RELN: variants seen among roughly 807,000 people sequenced by gnomAD.
The protein encoded by RELN is reelin.
In RELN, 108 loss-of-function variants were observed where a neutral mutation model predicts 427.6. The ratio of observed to expected loss-of-function variants is 0.25; its 90% CI spans 0.22 to 0.30. The LOEUF (loss-of-function observed/expected upper bound fraction) is 0.30, where lower values mean the gene tolerates loss of function less well. RELN is among the 10% of genes least tolerant of loss of function. The probability of loss-of-function intolerance (pLI) is 1.00; values close to 1 mark genes in which losing one functional copy is unlikely to be tolerated. For missense variants in RELN, 3,715 were observed against 4,302.8 expected, an observed-to-expected ratio of 0.86 and a Z score of 3.82; for synonymous variants, 1,524 against 1,513.4, an observed-to-expected ratio of 1.01 and a Z score of -0.16.
rs1206142284 is a variant in RELN at position 103,510,878 on chromosome 7, G to T, written c.8247C>A (p.Pro2749=). 6.2e-7 allele frequency: 1 copy of T among 1,613,594 alleles called. No individual in the cohort carries two copies. Among genetic ancestry groups the T allele is most frequent in the South Asian group, 1.1e-5 (1 of 91,054 alleles). Residue 2749 remains proline (P), a synonymous_variant, in exon 51 of 65, where the codon CCC becomes CCA. Transcript: ENST00000428762. Reference sequence around the variant, plus strand: ...TGAATTGCATAATCCAGCCTTCAGTGGGAGTCAGGTCATGGGTCACTGCAT... The same window carrying T: ...TGAATTGCATAATCCAGCCTTCAGTTGGAGTCAGGTCATGGGTCACTGCAT... ...EVYAVTHDLT[P]TEGWIMQFKI... is the part of the protein sequence containing the mutation.
intron 48 of RELN, among the ~76,000 whole-genome samples, chr7:103,520,915 T>C (rs1260910739): frequency 6.7e-6 from 1 of 149,590 alleles, no homozygotes; most frequent in East Asian, 2.0e-4. Flanking sequence ...AACTCTAAGG[T>C]AGGGCATGCT....
At chr7:103,572,523 G>T (rs2117201640) in intron 30 of RELN, among the ~76,000 whole-genome samples, 1 of 152,074 alleles carries the variant, frequency 6.6e-6, no homozygotes, top group Admixed American at 6.5e-5. Flanking sequence ...TCACTTCATT[G>T]TGACAGTCTG....
Position 103,824,627 on chromosome 7 carries a change from A to AGTGTGT in RELN, c.473+8904_473+8909dup, listed in dbSNP as rs368098458. On this transcript the variant is annotated intron_variant, in intron 3 of 64. Coordinates refer to ENST00000428762, the MANE Select transcript of RELN (RefSeq NM_005045.4). The surrounding 1 kb of genome is among the most constrained non-coding windows in gnomAD (Gnocchi z 4.4). ...GTGTTTTCACTTTCTTTCAAAACAG[A>AGTGTGT]GTGTGTGTGTGTGTGTGTGTGTGTG... Among the ~76,000 whole-genome samples, 10,528 of 130,752 alleles carry AGTGTGT rather than the reference A, an allele frequency of 0.081. 599 individuals are homozygous for AGTGTGT. The highest frequency in any genetic ancestry group is 0.16 in the African/African-American group (5,473 of 33,966). The allele number at this position is 130,752 out of a possible 152,430, so 85.8% of individuals were successfully genotyped here. A position where few individuals can be genotyped will look rare whatever the true frequency, so the allele number is the denominator to read the frequency against.
intron 4 of RELN, among the ~76,000 whole-genome samples, chr7:103,757,784 G>A (rs1584469430): frequency 6.6e-6 from 1 of 152,192 alleles, no homozygotes; most frequent in Non-Finnish European, 1.5e-5. Flanking sequence ...CTGAATTGAA[G>A]AGAGAGGAAG....
At chr7:103,713,672 T>C (rs1054190937) in intron 8 of RELN, among the ~76,000 whole-genome samples, 4 of 152,054 alleles carry the variant, frequency 2.6e-5, no homozygotes, top group Non-Finnish European at 5.9e-5. Flanking sequence ...TTTTTTTTTT[T>C]TTTGAAGGTA....
At chr7:103,727,052 C>A (rs2115928785) in intron 7 of RELN, among the ~76,000 whole-genome samples, 1 of 152,176 alleles carries the variant, frequency 6.6e-6, no homozygotes, top group East Asian at 1.9e-4. Flanking sequence ...GGTATTCAAG[C>A]ATCATAAAAT....
At chr7:103,700,830 A>T in intron 9 of RELN, 80 bp downstream of exon 9, 1 of 861,356 alleles carries the variant, frequency 1.2e-6, no homozygotes, top group Admixed American at 1.7e-5. Context: ...AGAAAAAGTT[A>T]GTGGTGGATT....
At chr7:103,984,922 T>C (rs1049953328) in intron 1 of RELN, among the ~76,000 whole-genome samples, 2 of 152,202 alleles carry the variant, frequency 1.3e-5, no homozygotes, top group African/African-American at 2.4e-5. Flanking sequence ...AAATTACGTC[T>C]GACATAAATA....
intron 6 of RELN, among the ~76,000 whole-genome samples, chr7:103,741,890 C>T (rs1378650146): frequency 6.6e-6 from 1 of 152,134 alleles, no homozygotes; most frequent in Non-Finnish European, 1.5e-5. Context: ...GTGATTTCTG[C>T]ATTTCCAAGT....
intron 1 of RELN, among the ~76,000 whole-genome samples, chr7:103,965,043 G>A (rs547169650): frequency 6.6e-6 from 1 of 152,290 alleles, no homozygotes; most frequent in African/African-American, 2.4e-5. Flanking sequence ...AAACTGCAAA[G>A]CACTATAAAA....
At chr7:103,879,836 T>C (rs1794566071) in intron 2 of RELN, among the ~76,000 whole-genome samples, 1 of 152,162 alleles carries the variant, frequency 6.6e-6, no homozygotes, top group African/African-American at 2.4e-5. Flanking sequence ...AAAGCACTGG[T>C]AGGAAAAATA....
At chr7:103,656,809 A>G (rs1371487204) in intron 12 of RELN, among the ~76,000 whole-genome samples, 1 of 152,068 alleles carries the variant, frequency 6.6e-6, no homozygotes, top group Non-Finnish European at 1.5e-5. Context: ...TTCATTAGAT[A>G]CTTACTATGA....
intron 1 of RELN, among the ~76,000 whole-genome samples, chr7:103,931,411 C>T (rs980224398): frequency 3.9e-5 from 6 of 152,194 alleles, no homozygotes; most frequent in Admixed American, 3.9e-4. Flanking sequence ...CCTCTCAGCT[C>T]TGTGAAGCTT....
Position 103,661,541 on chromosome 7 carries a change from G to A in RELN, c.1290-14C>T, listed in dbSNP as rs755194197. On this transcript the variant is annotated splice_polypyrimidine_tract_variant and intron_variant, in intron 11 of 64. Transcript: ENST00000428762. ...AAGACATCCCATCTAAAAAAAAAGG[G>A]GGATTAAGAGTTAGAGTTAGAATAT... The A allele has an allele frequency of 4.3e-6, 7 of 1,612,350 alleles. No individual in the cohort carries two copies. The South Asian group carries it at 7.7e-5, about 18-fold the overall frequency.
chr7:103,659,440 T>G (rs1310351424), intron 12 of RELN, among the ~76,000 whole-genome samples: 2 of 152,298 alleles, frequency 1.3e-5, no homozygotes, highest in Non-Finnish European at 2.9e-5. Flanking sequence ...AGTTCCATCT[T>G]ACGTGCTTCC....
chr7:103,562,962 A>G (rs1562892868), intron 34 of RELN, among the ~76,000 whole-genome samples: 1 of 151,836 alleles, frequency 6.6e-6, no homozygotes, highest in Admixed American at 6.6e-5. Context: ...TTCCCCATCC[A>G]CCCATGCTTT....
chr7:103,981,516 G>T (rs912451845), intron 1 of RELN, among the ~76,000 whole-genome samples: 17 of 152,214 alleles, frequency 1.1e-4, no homozygotes, highest in African/African-American at 3.9e-4. Flanking sequence ...TTCAGAGCTT[G>T]ATACAGGAAT....
intron 1 of RELN, among the ~76,000 whole-genome samples, chr7:103,954,865 C>G (rs996379939): frequency 3.9e-5 from 6 of 152,118 alleles, no homozygotes; most frequent in African/African-American, 1.4e-4. Context: ...TCCATTTATC[C>G]TTTGTGCTAA....
chr7:103,936,710 A>G, intron 1 of RELN, among the ~76,000 whole-genome samples: 1 of 101,228 alleles, frequency 9.9e-6, no homozygotes, highest in Non-Finnish European at 2.1e-5. Flanking sequence ...GGAAATTCCT[A>G]CGCACACACA....
Sources: allele counts gnomAD v4.1 joint callset (sites outside exome capture counted in the v4.1 genomes callset), GRCh38; gene constraint gnomAD v4.1.1; non-coding constraint Gnocchi (gnomAD v3.1); transcripts MANE v1.5; gene names NCBI Gene and HGNC (gene_info 2026-07-23, HGNC 2026-07-21).